Variants in WWC2 observed in about 807,000 individuals in gnomAD.
The protein encoded by WWC2 is WW and C2 domain containing 2.
WWC2 carries 101 observed loss-of-function variants against 138.5 expected under a neutral mutation model. That is an observed-to-expected ratio of 0.73 (90% confidence interval 0.62 to 0.86). The LOEUF is 0.86. Among genes scored for constraint, WWC2 ranks in the 40% least tolerant of loss-of-function variants. WWC2 has a pLI of 0.00. For missense variants in WWC2, 1,420 were observed against 1,419.4 expected (o/e 1.00, Z -0.01); for synonymous variants, 558 against 538.4 (o/e 1.04, Z -0.50).
intron 1 of WWC2, among the ~76,000 whole-genome samples, chr4:183,104,976 G>A (rs912495878): frequency 2.0e-5 from 3 of 152,276 alleles, no homozygotes; most frequent in East Asian, 1.9e-4. Flanking sequence ...ACACAATCTC[G>A]TCTTACTACA....
chr4:183,119,960 A>G (rs1035757806), intron 1 of WWC2, among the ~76,000 whole-genome samples: 8 of 152,200 alleles, frequency 5.3e-5, no homozygotes, highest in Non-Finnish European at 1.0e-4. Context: ...CATTCACAGA[A>G]CTTAAATTTA....
At chr4:183,292,448 T>G (rs1237397546) in intron 21 of WWC2, among the ~76,000 whole-genome samples, 1 of 151,962 alleles carries the variant, frequency 6.6e-6, no homozygotes, top group Non-Finnish European at 1.5e-5. Flanking sequence ...GAGGTTGAAG[T>G]GAGTTATGAT....
intron 8 of WWC2, among the ~76,000 whole-genome samples, chr4:183,252,931 G>A (rs147847259): frequency 2.6e-5 from 4 of 152,230 alleles, no homozygotes; most frequent in East Asian, 1.9e-4. Flanking sequence ...GTGCAGTGGC[G>A]CAGTTATGGC....
chr4:183,307,327 C>T (rs1055199197), intron 21 of WWC2, among the ~76,000 whole-genome samples: 4 of 152,186 alleles, frequency 2.6e-5, no homozygotes, highest in Non-Finnish European at 5.9e-5. Context: ...TTTTGGAGGA[C>T]AGCCACTGAG....
At chr4:183,183,270 A>G (rs184381499) in intron 1 of WWC2, among the ~76,000 whole-genome samples, 159 of 152,312 alleles carry the variant, frequency 1.0e-3, no homozygotes, top group Middle Eastern at 6.8e-3. Flanking sequence ...TGCCGCACCT[A>G]TCACCCATCA....
chr4:183,185,529 C>T (rs920269337), intron 1 of WWC2, among the ~76,000 whole-genome samples: 1 of 152,192 alleles, frequency 6.6e-6, no homozygotes, highest in African/African-American at 2.4e-5. Flanking sequence ...GGCACATACC[C>T]ATGATGTATA....
intron 18 of WWC2, 75 bp downstream of exon 18, chr4:183,282,981 C>T (rs1738130328): frequency 2.1e-6 from 3 of 1,400,980 alleles, no homozygotes; most frequent in African/African-American, 2.9e-5. Flanking sequence ...GCTTGTTTGT[C>T]TCCTTAGGTG....
intron 1 of WWC2, among the ~76,000 whole-genome samples, chr4:183,180,439 T>C (rs1734595310): frequency 6.6e-6 from 1 of 151,738 alleles, no homozygotes; most frequent in African/African-American, 2.4e-5. Flanking sequence ...CTGTAACTCA[T>C]GCCAACGATG....
intron 21 of WWC2, 35 bp from the exon 22 acceptor site, chr4:183,312,306 T>C (rs372104273): frequency 3.9e-5 from 62 of 1,606,194 alleles, no homozygotes; most frequent in Non-Finnish European, 4.9e-5. Context: ...AATCAGTGTT[T>C]TGTGTGTTTC....
chr4:183,269,870 G>T (rs910828178), intron 15 of WWC2: 1 of 167,880 alleles, frequency 6.0e-6, no homozygotes, highest in Non-Finnish European at 1.3e-5. Flanking sequence ...ATACACTGTT[G>T]TGCGTAATAA....
At chr4:183,310,337 A>G (rs1306918778) in intron 21 of WWC2, among the ~76,000 whole-genome samples, 4 of 152,220 alleles carry the variant, frequency 2.6e-5, no homozygotes, top group Middle Eastern at 3.4e-3. Context: ...TTTCCACCCC[A>G]TTTTGCTATG....
At chr4:183,111,054 A>G (rs1380697008) in intron 1 of WWC2, among the ~76,000 whole-genome samples, 2 of 152,056 alleles carry the variant, frequency 1.3e-5, no homozygotes, top group Non-Finnish European at 2.9e-5. Context: ...CCTGGCTAAC[A>G]TGGTGAAACC....
intron 8 of WWC2, among the ~76,000 whole-genome samples, chr4:183,250,270 T>C (rs1736938490): frequency 6.7e-6 from 1 of 150,344 alleles, no homozygotes; most frequent in East Asian, 2.0e-4. Context: ...AAGCTTTGAG[T>C]TGGTACAATA....
chr4:183,132,040 G>C (rs575990440), intron 1 of WWC2, among the ~76,000 whole-genome samples: 4 of 152,068 alleles, frequency 2.6e-5, no homozygotes, highest in African/African-American at 9.6e-5. Flanking sequence ...AGTTCCTTTA[G>C]TTCTTTTATT....
At chr4:183,246,255 C>T (rs1736776074) in intron 6 of WWC2, among the ~76,000 whole-genome samples, 1 of 152,130 alleles carries the variant, frequency 6.6e-6, no homozygotes, top group African/African-American at 2.4e-5. Context: ...CTCTCTTCCT[C>T]TCCTTCCCTC....
At chr4:183,249,171 G>A (rs1334580364) in intron 7 of WWC2, among the ~76,000 whole-genome samples, 1 of 152,136 alleles carries the variant, frequency 6.6e-6, no homozygotes, top group African/African-American at 2.4e-5. Flanking sequence ...TAGAGTCTTG[G>A]AAATGTAGGT....
chr4:183,225,677 T>C (rs902547586), intron 4 of WWC2, among the ~76,000 whole-genome samples: 5 of 152,222 alleles, frequency 3.3e-5, no homozygotes, highest in African/African-American at 1.2e-4. Context: ...GTTCATTCAT[T>C]AAGCAGTTAT....
chr4:183,280,133 C>T (rs1337032441), intron 16 of WWC2, among the ~76,000 whole-genome samples: 1 of 150,748 alleles, frequency 6.6e-6, no homozygotes, highest in East Asian at 2.0e-4. Flanking sequence ...GGTAGCTTAC[C>T]TGAATCATGT....
chr4:183,103,131 A>G (rs1459357020), intron 1 of WWC2, among the ~76,000 whole-genome samples: 7 of 151,756 alleles, frequency 4.6e-5, no homozygotes, highest in Non-Finnish European at 1.0e-4. Flanking sequence ...ACTGATAGAC[A>G]CTAATCTGTG....
Sources: allele counts gnomAD v4.1 joint callset (sites outside exome capture counted in the v4.1 genomes callset), GRCh38; gene constraint gnomAD v4.1.1; transcripts MANE v1.5; gene names NCBI Gene and HGNC (gene_info 2026-07-23, HGNC 2026-07-21).